The following PKM variants were observed in gnomAD, a reference collection of about 807,000 sequenced individuals.
PKM encodes pyruvate kinase M1/2, also known as pyruvate kinase PKM.
In PKM, 18 loss-of-function variants were observed where a neutral mutation model predicts 49.8. That is an observed-to-expected ratio of 0.36 (90% confidence interval 0.25 to 0.54). The LOEUF (loss-of-function observed/expected upper bound fraction) is 0.54. Among genes scored for constraint, PKM ranks in the 20% least tolerant of loss-of-function variants. The pLI is 0.89. For synonymous variants in PKM, 239 were observed against 261.8 expected (o/e 0.91, Z 0.84); for missense variants, 508 against 713.8 (o/e 0.71, Z 3.28).
At chr15:72,199,999 A>C (rs916911183) in intron 10 of PKM, among the ~76,000 whole-genome samples, 1 of 152,296 alleles carries the variant, frequency 6.6e-6, no homozygotes, top group Admixed American at 6.5e-5. Flanking sequence ...GAGGGTGCAA[A>C]GCCTTGCCCA....
chr15:72,230,560 G>A (rs2140840239), intron 1 of PKM, among the ~76,000 whole-genome samples: 2 of 152,284 alleles, frequency 1.3e-5, no homozygotes, highest in Middle Eastern at 3.4e-3. Context: ...GCGGCGAGAG[G>A]GAACTGGGGC....
chr15:72,229,107 G>C (rs917016137), intron 1 of PKM, among the ~76,000 whole-genome samples: 1 of 152,250 alleles, frequency 6.6e-6, no homozygotes, highest in East Asian at 1.9e-4. Context: ...GTTATTCAGA[G>C]AGCCTGATTC....
In PKM at chr15:72,200,547, C is replaced by G. The variant is rs753978705; in HGVS notation, c.1416G>C (p.Val472=). Residue 472 remains valine (V), a synonymous_variant, in exon 10 of 11, where the codon GTG becomes GTC. Coordinates refer to ENST00000335181, the MANE Select transcript of PKM (RefSeq NM_002654.6). The surrounding 1 kb of genome is among the most constrained non-coding windows in gnomAD (Gnocchi z 4.6). ...QAHLYRGIFP[V]LCKDPVQEAW... is the part of the protein sequence containing the mutation. ...CCTCCTGGACTGGGTCCTTGCACAG[C>G]ACAGGGAAGATGCCACGGTACAGGT... 2 of 1,613,908 alleles carry G rather than the reference C, an allele frequency of 1.2e-6. No individual in the cohort carries two copies. Among genetic ancestry groups the G allele is most frequent in the African/African-American group, 1.3e-5 (1 of 74,908 alleles).
intron 1 of PKM, among the ~76,000 whole-genome samples, chr15:72,222,099 T>C (rs895513636): frequency 6.6e-6 from 1 of 152,224 alleles, no homozygotes; most frequent in Admixed American, 6.5e-5. Flanking sequence ...GATAAAATTA[T>C]ATTGGCCTCA....
rs1406470146 is a variant in PKM at position 72,227,765 on chromosome 15, A to C, written c.-14+3351T>G. Among the ~76,000 whole-genome samples, 127 of 135,392 alleles carry C rather than the reference A, an allele frequency of 9.4e-4. 1 individual carries two copies. Among genetic ancestry groups the C allele is most frequent in the African/African-American group, 4.0e-3 (119 of 29,768 alleles). The allele number at this position is 135,392 out of a possible 152,430, so 88.8% of individuals were successfully genotyped here. On this transcript the variant is annotated intron_variant, in intron 1 of 10. Coordinates refer to ENST00000335181, the MANE Select transcript of PKM (RefSeq NM_002654.6). ...ATCTCAAAAAAAAAAAAAAAAAAAA[A>C]AAAAAAAAACAAAAAACTGAAGCAA...
chr15:72,231,062 C>A, intron 1 of PKM, 54 bp downstream of exon 1: 1 of 774,036 alleles, frequency 1.3e-6, no homozygotes, highest in South Asian at 1.4e-5. Context: ...TCCGCACTAG[C>A]CGGGCGACTG....
At chr15:72,225,062 C>T (rs1397937823) in intron 1 of PKM, among the ~76,000 whole-genome samples, 5 of 148,356 alleles carry the variant, frequency 3.4e-5, no homozygotes, top group Non-Finnish European at 7.4e-5. Context: ...GCTGGGACTA[C>T]AGGCGCCCGC....
intron 1 of PKM, among the ~76,000 whole-genome samples, chr15:72,220,790 C>G (rs1406649359): frequency 2.0e-5 from 3 of 152,196 alleles, no homozygotes; most frequent in Non-Finnish European, 1.5e-5. Context: ...TGCCTCTGCT[C>G]CCCCTTCCCT....
In PKM at chr15:72,202,645, G is replaced by A; in HGVS notation, c.1141-25C>T. On this transcript the variant is annotated intron_variant, in intron 8 of 10. Transcript: ENST00000335181. The surrounding 1 kb of genome is among the most constrained non-coding windows in gnomAD (Gnocchi z 4.5). The stretch of plus-strand genomic sequence containing the variant: ...TCTAGGGGAGCAACATCCGTCCAGA[G>A]GGACGAGAGGGGGACAGAGCTTTGT... 1 of 1,597,040 alleles carries A rather than the reference G, an allele frequency of 6.3e-7. No homozygotes were observed. Among genetic ancestry groups the A allele is most frequent in the Non-Finnish European group, 8.6e-7 (1 of 1,167,736 alleles).
intron 6 of PKM, 71 bp downstream of exon 6, chr15:72,208,550 G>A (rs2082144500): frequency 6.6e-7 from 1 of 1,515,016 alleles, no homozygotes. Flanking sequence ...CTGGGAATCA[G>A]ACATTCACAG....
At position 72,209,878 on chromosome 15, in the gene PKM, G is replaced by C. The variant is rs764149513; in HGVS notation, c.379-19C>G. On this transcript the variant is annotated intron_variant, in intron 4 of 10. Transcript: ENST00000335181. ...TGCCGCTCTAGGGACAAGAGAGTAA[G>C]CAAGAGTCCAAACTGGAGACACCAG... The C allele has an allele frequency of 5.6e-6, 9 of 1,610,248 alleles. No homozygotes were observed. The South Asian group carries it at 9.9e-5, about 18-fold the overall frequency.
In PKM at chr15:72,200,368, CTG is replaced by C. The variant is rs2081911791; in HGVS notation, c.1489+104_1489+105del. On this transcript the variant is annotated intron_variant, in intron 10 of 10. Transcript: ENST00000335181. This position sits in a 1 kb window ranked among gnomAD's most constrained non-coding sequence, Gnocchi z 4.6. The stretch of plus-strand genomic sequence containing the variant: ...GCTGGGCCTTTTGCCCCACTAAGGT[CTG>C]TGTGTTCCCCTTTCTATTCCCCAAA... The C allele has an allele frequency of 4.0e-6, 4 of 1,002,286 alleles. No individual in the cohort carries two copies. Among genetic ancestry groups the C allele is most frequent in the South Asian group, 2.7e-5 (2 of 74,808 alleles). 62.1% of individuals were successfully genotyped at this position (1,002,286 alleles called of 1,614,324 possible).
intron 8 of PKM, chr15:72,203,436 T>C (rs550846520): frequency 3.0e-4 from 159 of 537,086 alleles, no homozygotes; most frequent in African/African-American, 2.3e-3. Context: ...GATTTTTTCA[T>C]TGGGGGTGGA....
chr15:72,210,124 T>C (rs2082211606), intron 4 of PKM: 2 of 654,224 alleles, frequency 3.1e-6, no homozygotes, highest in East Asian at 5.3e-5. Context: ...AGTTTAGGTT[T>C]TTAGGGTAAA....
At position 72,200,629 on chromosome 15, in the gene PKM, C is replaced by T. The variant is rs746743807; in HGVS notation, c.1334G>A (p.Arg445His). The change falls in exon 10 of 11, where the codon CGC becomes CAC. Residue 445 changes from arginine to histidine, a missense_variant. Transcript: ENST00000335181. This position sits in a 1 kb window ranked among gnomAD's most constrained non-coding sequence, Gnocchi z 4.6. ...GRSAHQVARY[R>H]PRAPIIAVTR... ...CACAGCAATGATGGGGGCACGTGGGCGGTATCTGGCCACCTGGTGAGCAGA... is the reference window on the plus strand; with the variant it reads ...CACAGCAATGATGGGGGCACGTGGGTGGTATCTGGCCACCTGGTGAGCAGA... The T allele has an allele frequency of 1.9e-6, 3 of 1,612,846 alleles. No homozygotes were observed. Among genetic ancestry groups the T allele is most frequent in the African/African-American group, 1.3e-5 (1 of 74,932 alleles).
chr15:72,225,938 T>C (rs2140803462), intron 1 of PKM, among the ~76,000 whole-genome samples: 1 of 152,388 alleles, frequency 6.6e-6, no homozygotes, highest in South Asian at 2.1e-4. Context: ...AAAGTGGCTA[T>C]ATCAATGAAC....
rs368851026 is a variant in PKM, at chr15:72,200,238, C to G, written c.1489+236G>C. On this transcript the variant is annotated intron_variant, in intron 10 of 10. Transcript: ENST00000335181. The surrounding 1 kb of genome is among the most constrained non-coding windows in gnomAD (Gnocchi z 4.6). The stretch of plus-strand genomic sequence containing the variant: ...CTAGAAGAGAAGAGGAACTGAATTG[C>G]TCAGCCCTACAACTCAAAGGACCCT... Among the ~76,000 whole-genome samples the G allele has an allele frequency of 1.0e-3, 153 of 152,324 alleles. 1 individual carries two copies. Among genetic ancestry groups the G allele is most frequent in the African/African-American group, 3.5e-3 (144 of 41,568 alleles).
Position 72,219,061 on chromosome 15 carries a change from T to A in PKM, c.37A>T (p.Ile13Phe). 3 of 1,614,180 alleles carry A rather than the reference T, an allele frequency of 1.9e-6. No individual in the cohort carries two copies. The highest frequency in any genetic ancestry group is 2.5e-6 in the Non-Finnish European group (3 of 1,180,016). ...GCTGCGTGCAGCTGCTGGGTCTGAATGAAGGCAGTCCCGGCTTCACTATGG... is the reference window on the plus strand; with the variant it reads ...GCTGCGTGCAGCTGCTGGGTCTGAAAGAAGGCAGTCCCGGCTTCACTATGG... ...KPHSEAGTAF[I>F]QTQQLHAAMA... The change falls in exon 2 of 11, where the codon ATT (isoleucine) becomes TTT (phenylalanine). Residue 13 changes from isoleucine to phenylalanine, a missense_variant. Physicochemically the swap from Ile to Phe is conservative, Grantham distance 21. Transcript: ENST00000335181.
intron 1 of PKM, among the ~76,000 whole-genome samples, chr15:72,228,267 GCA>G (rs2082739191): frequency 6.6e-6 from 1 of 152,020 alleles, no homozygotes; most frequent in Admixed American, 6.5e-5. Context: ...GAATGAAGCT[GCA>G]CAGACGGCAT....
Sources: allele counts gnomAD v4.1 joint callset (sites outside exome capture counted in the v4.1 genomes callset), GRCh38; gene constraint gnomAD v4.1.1; non-coding constraint Gnocchi (gnomAD v3.1); transcripts MANE v1.5; gene names NCBI Gene and HGNC (gene_info 2026-07-23, HGNC 2026-07-21).